Variants in FGD5 observed in about 807,000 individuals in gnomAD.
FGD5 encodes FYVE, RhoGEF and PH domain-containing protein 5.
Under a neutral mutation model 133.4 loss-of-function variants are expected in FGD5, and 28 were observed. The ratio of observed to expected loss-of-function variants is 0.21; its 90% CI spans 0.16 to 0.29. The LOEUF (loss-of-function observed/expected upper bound fraction) is 0.29, where lower values mean the gene tolerates loss of function less well. FGD5 is among the 10% of genes least tolerant of loss of function. The pLI, the probability that FGD5 is intolerant of heterozygous loss-of-function variation, is 1.00. For missense variants in FGD5, 1,858 were observed against 1,895.2 expected (o/e 0.98, Z 0.36); for synonymous variants, 810 against 776.5 (o/e 1.04, Z -0.72).
At chr3:14,838,059 C>T (rs2036850986) in intron 1 of FGD5, among the ~76,000 whole-genome samples, 1 of 152,166 alleles carries the variant, frequency 6.6e-6, no homozygotes, top group Admixed American at 6.5e-5. Context: ...CTGGCCTGGG[C>T]CCTCATCTAG....
intron 2 of FGD5, among the ~76,000 whole-genome samples, chr3:14,877,230 G>T (rs969167841): frequency 6.6e-6 from 1 of 152,248 alleles, no homozygotes; most frequent in Non-Finnish European, 1.5e-5. Flanking sequence ...CAGTTTCTGC[G>T]TGCCTCGGGC....
At chr3:14,818,906 C>A (rs1043854293), upstream of FGD5, 109 of 1,426,816 alleles carry the variant, frequency 7.6e-5, 1 homozygote, top group South Asian at 9.1e-4. Flanking sequence ...CTCTGAATGG[C>A]AATAAAGTTA....
intron 13 of FGD5, among the ~76,000 whole-genome samples, 152 bp from the exon 14 acceptor site, chr3:14,921,766 T>C (rs2125154804): frequency 6.6e-6 from 1 of 152,324 alleles, no homozygotes; most frequent in African/African-American, 2.4e-5. Context: ...GTAAACCTAG[T>C]CTGGCAGGTG....
intron 1 of FGD5, among the ~76,000 whole-genome samples, chr3:14,825,081 T>C (rs2036575463): frequency 6.6e-6 from 1 of 152,188 alleles, no homozygotes; most frequent in Non-Finnish European, 1.5e-5. Flanking sequence ...AAACAGCATA[T>C]AATAGAATTC....
chr3:14,883,524 C>T (rs1303576963), intron 4 of FGD5, among the ~76,000 whole-genome samples: 1 of 152,206 alleles, frequency 6.6e-6, no homozygotes, highest in African/African-American at 2.4e-5. Context: ...AGATGTCTAC[C>T]CACCTATCCA....
At chr3:14,846,527 T>C (rs1252540139) in intron 1 of FGD5, among the ~76,000 whole-genome samples, 1 of 152,218 alleles carries the variant, frequency 6.6e-6, no homozygotes, top group Admixed American at 6.5e-5. Flanking sequence ...AGCTCATAAA[T>C]ACTTCCAGAC....
chr3:14,932,857 C>A, intron 19 of FGD5, 126 bp downstream of exon 19: 1 of 1,060,082 alleles, frequency 9.4e-7, no homozygotes, highest in Non-Finnish European at 1.4e-6. Flanking sequence ...TGGGCCATAG[C>A]AGAACTGCAG....
At chr3:14,926,036 G>C (rs371021013) in intron 17 of FGD5, 34 bp from the exon 18 acceptor site, 2 of 1,611,342 alleles carry the variant, frequency 1.2e-6, no homozygotes, top group African/African-American at 2.7e-5. Context: ...CTGACCACCG[G>C]GGTGGGCTGA....
intron 4 of FGD5, chr3:14,882,249 G>A: frequency 1.0e-6 from 1 of 972,218 alleles, no homozygotes; most frequent in Non-Finnish European, 1.2e-6. Context: ...CATGACAGAG[G>A]GGCTGGGCAA....
chr3:14,831,638 T>C (rs875096), intron 1 of FGD5, among the ~76,000 whole-genome samples: 118,657 of 152,030 alleles, frequency 0.78, 46,764 homozygotes, highest in African/African-American at 0.88. Flanking sequence ...GGGAATAAGG[T>C]TGGGAAGGCT....
chr3:14,896,504 C>A (rs868560646), intron 4 of FGD5, among the ~76,000 whole-genome samples: 1 of 150,256 alleles, frequency 6.7e-6, no homozygotes, highest in South Asian at 2.1e-4. Flanking sequence ...GAGTTTTATT[C>A]TTCTTCCCCA....
chr3:14,828,461 G>A (rs1178707004), intron 1 of FGD5, among the ~76,000 whole-genome samples: 1 of 152,202 alleles, frequency 6.6e-6, no homozygotes, highest in Non-Finnish European at 1.5e-5. Context: ...CTGCAGACAG[G>A]GAGGAGGATT....
Position 14,812,208 on chromosome 3 carries a change from A to G in FGD5, c.13+1343A>G, listed in dbSNP as rs1354143171. ...CATACAGGCCCCTGGACAGTTAGTG[A>G]GTGTGGGTCACAGAACTGGGGAGCA... On this transcript the variant is annotated intron_variant, in intron 1 of 1. Transcript: ENST00000640506. Among the ~76,000 whole-genome samples, 5 of 152,166 alleles carry G rather than the reference A, an allele frequency of 3.3e-5. No homozygotes were observed. In the South Asian group the frequency reaches 8.3e-4, roughly 25 times the overall value.
At chr3:14,846,449 C>G (rs1012941689) in intron 1 of FGD5, among the ~76,000 whole-genome samples, 6 of 152,360 alleles carry the variant, frequency 3.9e-5, no homozygotes, top group African/African-American at 1.4e-4. Flanking sequence ...CCAGCTAGCA[C>G]TGCAGCCAAA....
intron 11 of FGD5, among the ~76,000 whole-genome samples, chr3:14,912,141 G>C (rs757741586): frequency 6.6e-6 from 1 of 152,128 alleles, no homozygotes; most frequent in Non-Finnish European, 1.5e-5. Flanking sequence ...GGCCCTACCC[G>C]TAGAGGGGCC....
intron 2 of FGD5, among the ~76,000 whole-genome samples, chr3:14,877,791 G>A (rs1237755306): frequency 6.6e-6 from 1 of 152,166 alleles, no homozygotes; most frequent in Non-Finnish European, 1.5e-5. Flanking sequence ...CAGGGGTGAC[G>A]TCTTGCATCA....
rs532445073 is a variant in FGD5 at position 14,932,647 on chromosome 3, G to A, written c.4268G>A (p.Ser1423Asn). 109 of 1,614,040 alleles carry A rather than the reference G, an allele frequency of 6.8e-5. No individual in the cohort carries two copies. Among genetic ancestry groups the A allele is most frequent in the Non-Finnish European group, 8.5e-5 (100 of 1,179,888 alleles). ...GCTCCAGAAAAGGAAGAGGGCAGCA[G>A]TGAAGTAGGACCTATTTTTCACCTT... ...TIAPEKEEGS[S>N]EVGPIFHLYH... The change falls in exon 19 of 20, where the codon AGT (serine) becomes AAT (asparagine). Residue 1423 changes from serine to asparagine, a missense_variant. Coordinates refer to ENST00000285046, the MANE Select transcript of FGD5 (RefSeq NM_152536.4).
chr3:14,902,644 C>G (rs1165172266), intron 9 of FGD5, among the ~76,000 whole-genome samples: 4 of 152,208 alleles, frequency 2.6e-5, no homozygotes, highest in African/African-American at 9.7e-5. Flanking sequence ...TCTCACTCTG[C>G]TCTGCACTGA....
chr3:14,818,382 C>G (rs955585986), upstream of FGD5, among the ~76,000 whole-genome samples: 2 of 152,170 alleles, frequency 1.3e-5, no homozygotes, highest in African/African-American at 4.8e-5. Flanking sequence ...GGCAGCTATT[C>G]AGTCATAATA....
Sources: gnomAD v4.1 joint callset for allele counts (sites outside exome capture counted in the v4.1 genomes callset) on GRCh38, gnomAD v4.1.1 for gene constraint, MANE v1.5 for transcripts, NCBI Gene and HGNC (gene_info 2026-07-23, HGNC 2026-07-21) for gene names.